Variants in UNC5C observed in about 807,000 individuals in gnomAD.
The protein encoded by UNC5C is netrin receptor UNC5C.
Under a neutral mutation model 99.8 loss-of-function variants are expected in UNC5C, and 47 were observed. That is an observed-to-expected ratio of 0.47 (90% CI 0.37 to 0.60). The LOEUF (loss-of-function observed/expected upper bound fraction) is 0.60. Ranked by LOEUF, UNC5C falls within the 20% of genes least tolerant of loss-of-function variation. UNC5C has a pLI of 0.00. For missense variants in UNC5C, 1,062 were observed against 1,165.9 expected, an observed-to-expected ratio of 0.91 and a Z score of 1.30; for synonymous variants, 487 against 452.2, an observed-to-expected ratio of 1.08 and a Z score of -0.98.
At chr4:95,409,647 A>G (rs1208120328) in intron 1 of UNC5C, among the ~76,000 whole-genome samples, 2 of 152,142 alleles carry the variant, frequency 1.3e-5, no homozygotes, top group African/African-American at 4.8e-5. Flanking sequence ...CTGAAAAAAA[A>G]TATCCTCTAT....
chr4:95,336,890 G>C (rs1337870211), intron 1 of UNC5C, among the ~76,000 whole-genome samples: 1 of 151,722 alleles, frequency 6.6e-6, no homozygotes, highest in Non-Finnish European at 1.5e-5. Flanking sequence ...TTCCATTGTT[G>C]AACATCAAGG....
chr4:95,324,027 C>A (rs1157608372), intron 2 of UNC5C, among the ~76,000 whole-genome samples: 2 of 151,896 alleles, frequency 1.3e-5, no homozygotes, highest in Non-Finnish European at 2.9e-5. Context: ...CAGAGTGAGA[C>A]TCCATCTCAA....
At chr4:95,243,639 CTAAG>C (rs1739402743) in intron 6 of UNC5C, among the ~76,000 whole-genome samples, 1 of 152,056 alleles carries the variant, frequency 6.6e-6, no homozygotes, top group Non-Finnish European at 1.5e-5. Flanking sequence ...TTTGAGAAAT[CTAAG>C]TGATTTCATA....
At chr4:95,506,098 T>C (rs1721914049) in intron 1 of UNC5C, among the ~76,000 whole-genome samples, 1 of 152,080 alleles carries the variant, frequency 6.6e-6, no homozygotes, top group Non-Finnish European at 1.5e-5. Context: ...ATTTTCATTA[T>C]GAAATCTCAA....
rs751272161 is a variant in UNC5C, at chr4:95,185,154, C to G, written c.2179G>C (p.Glu727Gln). 6.2e-7 allele frequency: 1 copy of G among 1,613,734 alleles called. No individual in the cohort carries two copies. The highest frequency in any genetic ancestry group is 8.5e-7 in the Non-Finnish European group (1 of 1,179,898). ...TTAAAATGAAGAGCCTTAGGTTCTTCTAGGAGCTGTCCTCCCATCTGTCTC... is the reference window on the plus strand; with the variant it reads ...TTAAAATGAAGAGCCTTAGGTTCTTGTAGGAGCTGTCCTCCCATCTGTCTC... ...LERQMGGQLL[E>Q]EPKALHFKGS... Residue 727 changes from glutamate to glutamine, a missense_variant, in exon 13 of 16, where the codon GAA becomes CAA. Coordinates refer to ENST00000453304, the MANE Select transcript of UNC5C (RefSeq NM_003728.4).
intron 14 of UNC5C, among the ~76,000 whole-genome samples, chr4:95,175,419 G>C (rs1479841594): frequency 2.0e-5 from 3 of 151,600 alleles, no homozygotes; most frequent in South Asian, 2.1e-4. Flanking sequence ...TCCTTCAGGA[G>C]CTCTTTTAGG....
intron 14 of UNC5C, among the ~76,000 whole-genome samples, chr4:95,176,232 C>T (rs1410718651): frequency 1.3e-5 from 2 of 152,324 alleles, no homozygotes; most frequent in South Asian, 4.2e-4. Flanking sequence ...TGAAGCCTTC[C>T]TCTCTCAGCT....
chr4:95,495,303 G>C (rs571055217), intron 1 of UNC5C, among the ~76,000 whole-genome samples: 1 of 151,254 alleles, frequency 6.6e-6, no homozygotes, highest in Non-Finnish European at 1.5e-5. Context: ...TCAGTTTTAA[G>C]ACAAATTGTA....
At chr4:95,173,147 C>T (rs1313691143) in intron 14 of UNC5C, among the ~76,000 whole-genome samples, 3 of 151,462 alleles carry the variant, frequency 2.0e-5, no homozygotes, top group South Asian at 2.1e-4. Flanking sequence ...TGGACTGAGA[C>T]GATGGGGTTT....
chr4:95,206,724 G>A lies in UNC5C; in HGVS notation c.1806C>T (p.Thr602=). ...GATGCATAGTGAGGACGACTGGGCG[G>A]GTGAGCAGAGCTCCTGGGGGCCCAC... ...VSCGPPGALL[T]RPVVLTMHHC... is the part of the protein sequence containing the mutation. The change falls in exon 11 of 16, where the codon ACC becomes ACT. Residue 602 remains threonine, a synonymous_variant. Coordinates refer to ENST00000453304, the MANE Select transcript of UNC5C (RefSeq NM_003728.4). The A allele has an allele frequency of 6.2e-7, 1 of 1,613,886 alleles. No homozygotes were observed. Among genetic ancestry groups the A allele is most frequent in the East Asian group, 2.2e-5 (1 of 44,842 alleles).
intron 7 of UNC5C, among the ~76,000 whole-genome samples, chr4:95,240,620 AC>A (rs1211338226): frequency 1.4e-5 from 2 of 140,840 alleles, no homozygotes; most frequent in Non-Finnish European, 3.2e-5. Context: ...AAAAATACAA[AC>A]AAAAACAAAC....
intron 1 of UNC5C, among the ~76,000 whole-genome samples, chr4:95,532,755 G>T (rs559637644): frequency 1.3e-5 from 2 of 152,246 alleles, no homozygotes; most frequent in East Asian, 3.9e-4. Flanking sequence ...CACCTACTGG[G>T]GCTGCACTGG....
At chr4:95,286,755 C>A (rs2149397773) in intron 3 of UNC5C, among the ~76,000 whole-genome samples, 1 of 152,302 alleles carries the variant, frequency 6.6e-6, no homozygotes. Flanking sequence ...TCAGCTTCCT[C>A]TTTACTCTCG....
At chr4:95,375,233 A>C (rs1269690338) in intron 1 of UNC5C, among the ~76,000 whole-genome samples, 3 of 152,176 alleles carry the variant, frequency 2.0e-5, no homozygotes, top group Non-Finnish European at 4.4e-5. Context: ...AATCACCATA[A>C]AAATGAATTA....
chr4:95,174,557 G>A (rs1214105563), intron 14 of UNC5C, among the ~76,000 whole-genome samples: 2 of 152,110 alleles, frequency 1.3e-5, no homozygotes, highest in African/African-American at 2.4e-5. Context: ...GCGGTTTTGA[G>A]TGAGATTCTT....
intron 1 of UNC5C, among the ~76,000 whole-genome samples, chr4:95,360,945 A>T (rs1330453814): frequency 6.6e-6 from 1 of 152,170 alleles, no homozygotes; most frequent in African/African-American, 2.4e-5. Flanking sequence ...TAGGTCTGTG[A>T]GTATATGCGG....
chr4:95,479,713 C>G lies in UNC5C; in HGVS notation c.124+69021G>C, dbSNP rs534485551. 4.0e-5 allele frequency among the ~76,000 whole-genome samples: 6 copies of G among 151,870 alleles called. No homozygotes were observed. The South Asian group carries it at 8.3e-4, about 21-fold the overall frequency. On this transcript the variant is annotated intron_variant, in intron 1 of 15. Coordinates refer to ENST00000453304, the MANE Select transcript of UNC5C (RefSeq NM_003728.4). ...ATTTTTTAACCAGAAAACCAATCCC[C>G]ATAAAAAAAGGAATTTATTTTTCAT...
chr4:95,312,505 C>G (rs1742312011), intron 2 of UNC5C, among the ~76,000 whole-genome samples: 1 of 152,150 alleles, frequency 6.6e-6, no homozygotes, highest in Non-Finnish European at 1.5e-5. Flanking sequence ...CTGTGCATCT[C>G]AGTTAATCTG....
At chr4:95,521,908 T>C (rs1478455810) in intron 1 of UNC5C, among the ~76,000 whole-genome samples, 1 of 152,172 alleles carries the variant, frequency 6.6e-6, no homozygotes, top group Non-Finnish European at 1.5e-5. Context: ...GGTCTTGGCT[T>C]GGTGAATGAG....
Sources: allele counts gnomAD v4.1 joint callset (sites outside exome capture counted in the v4.1 genomes callset), GRCh38; gene constraint gnomAD v4.1.1; transcripts MANE v1.5; gene names NCBI Gene and HGNC (gene_info 2026-07-23, HGNC 2026-07-21).